GRID1: variants seen among roughly 807,000 people sequenced by gnomAD.
The protein encoded by GRID1 is glutamate ionotropic receptor delta type subunit 1, also known as glutamate receptor ionotropic, delta-1.
Under a neutral mutation model 98.0 loss-of-function variants are expected in GRID1, and 28 were observed. The observed-to-expected ratio is 0.29, with a 90% CI of 0.21 to 0.39. GRID1 has a LOEUF of 0.39. Ranked by LOEUF, GRID1 falls within the 10% of genes least tolerant of loss-of-function variation. The pLI, the probability that GRID1 is intolerant of heterozygous loss-of-function variation, is 1.00. For synonymous variants in GRID1, 553 were observed against 538.5 expected (o/e 1.03, Z -0.37); for missense variants, 1,111 against 1,340.5 (o/e 0.83, Z 2.67).
chr10:85,746,623 C>T (rs1007315377), intron 8 of GRID1, among the ~76,000 whole-genome samples: 9 of 152,104 alleles, frequency 5.9e-5, no homozygotes, highest in African/African-American at 2.2e-4. Flanking sequence ...GATCAGCATG[C>T]TGAAGAGGCT....
chr10:86,209,767 C>T (rs556016024), intron 2 of GRID1, among the ~76,000 whole-genome samples: 4 of 152,290 alleles, frequency 2.6e-5, no homozygotes, highest in Non-Finnish European at 4.4e-5. Context: ...AGGACTCCCA[C>T]GGAGAGTCCT....
chr10:85,942,313 A>G (rs1011058628), intron 4 of GRID1, among the ~76,000 whole-genome samples: 6 of 152,104 alleles, frequency 3.9e-5, no homozygotes, highest in African/African-American at 1.4e-4. Flanking sequence ...CCAATTTCTA[A>G]TCTTCTGATG....
intron 4 of GRID1, among the ~76,000 whole-genome samples, chr10:85,950,539 C>G (rs1466533851): frequency 6.6e-6 from 1 of 152,182 alleles, no homozygotes; most frequent in Non-Finnish European, 1.5e-5. Flanking sequence ...CCTGACCAGA[C>G]TGTGATCAAT....
At chr10:85,633,547 A>G (rs1842998255) in intron 13 of GRID1, among the ~76,000 whole-genome samples, 1 of 152,206 alleles carries the variant, frequency 6.6e-6, no homozygotes, top group African/African-American at 2.4e-5. Flanking sequence ...AACTGGCAAC[A>G]CGAACTGTGC....
chr10:85,673,665 T>C (rs1841112533), intron 12 of GRID1, among the ~76,000 whole-genome samples: 1 of 152,208 alleles, frequency 6.6e-6, no homozygotes, highest in African/African-American at 2.4e-5. Flanking sequence ...AGTATGTATA[T>C]TTTTTAGACA....
intron 4 of GRID1, among the ~76,000 whole-genome samples, chr10:86,031,538 C>T (rs899335503): frequency 9.9e-5 from 15 of 152,158 alleles, no homozygotes; most frequent in African/African-American, 3.1e-4. Flanking sequence ...CAAAGCTGCA[C>T]ATGTACCCTT....
chr10:85,635,637 C>T (rs1186265601), intron 13 of GRID1, among the ~76,000 whole-genome samples: 1 of 152,188 alleles, frequency 6.6e-6, no homozygotes, highest in African/African-American at 2.4e-5. Flanking sequence ...AAATAAAAGG[C>T]AGGCCTCACT....
chr10:86,301,743 G>A (rs1461813765), intron 2 of GRID1, among the ~76,000 whole-genome samples: 1 of 152,232 alleles, frequency 6.6e-6, no homozygotes, highest in Non-Finnish European at 1.5e-5. Flanking sequence ...GTCCCAGGAT[G>A]GACAATCATC....
intron 3 of GRID1, among the ~76,000 whole-genome samples, chr10:86,177,198 G>A (rs1218665443): frequency 6.6e-6 from 1 of 151,832 alleles, no homozygotes; most frequent in African/African-American, 2.4e-5. Flanking sequence ...GAAAAAGCCA[G>A]GTCTGCTCCT....
intron 8 of GRID1, among the ~76,000 whole-genome samples, chr10:85,743,113 C>T (rs111690670): frequency 3.7e-5 from 5 of 134,180 alleles, no homozygotes; most frequent in Admixed American, 1.5e-4. Flanking sequence ...CAGCCCCCCC[C>T]CCCACCACCC....
At chr10:85,858,219 AG>A (rs1843132023) in intron 6 of GRID1, among the ~76,000 whole-genome samples, 1 of 152,204 alleles carries the variant, frequency 6.6e-6, no homozygotes, top group Non-Finnish European at 1.5e-5. Context: ...TAGGTGTAAC[AG>A]GTAGGTGGAG....
intron 11 of GRID1, among the ~76,000 whole-genome samples, chr10:85,723,458 C>G (rs1214647713): frequency 2.0e-5 from 3 of 152,222 alleles, no homozygotes; most frequent in African/African-American, 7.2e-5. Context: ...TTCTACCTCA[C>G]AGTGGTAAGA....
chr10:86,227,846 C>T (rs751635155), intron 2 of GRID1, among the ~76,000 whole-genome samples: 6 of 152,206 alleles, frequency 3.9e-5, no homozygotes, highest in Non-Finnish European at 8.8e-5. Flanking sequence ...GGCCATGCCT[C>T]ATCTGTGCTT....
At chr10:86,120,434 T>A (rs1010169604) in intron 4 of GRID1, among the ~76,000 whole-genome samples, 2 of 152,228 alleles carry the variant, frequency 1.3e-5, no homozygotes, top group African/African-American at 2.4e-5. Flanking sequence ...TTCTGTATTA[T>A]CGTTGATTGC....
intron 4 of GRID1, among the ~76,000 whole-genome samples, chr10:86,123,122 C>A (rs1400518968): frequency 6.6e-6 from 1 of 152,212 alleles, no homozygotes; most frequent in Non-Finnish European, 1.5e-5. Flanking sequence ...ACTACTCCGC[C>A]CCAACACTGC....
At chr10:85,914,786 C>T (rs1841589024) in intron 5 of GRID1, among the ~76,000 whole-genome samples, 2 of 152,160 alleles carry the variant, frequency 1.3e-5, no homozygotes, top group African/African-American at 4.8e-5. Flanking sequence ...CCTGCATCTT[C>T]CAGAATGAAG....
At chr10:85,689,980 G>GT (rs1409180068) in intron 12 of GRID1, among the ~76,000 whole-genome samples, 2 of 152,104 alleles carry the variant, frequency 1.3e-5, no homozygotes, top group African/African-American at 4.8e-5. Context: ...TAAACTGACA[G>GT]TAAGAACCTA....
intron 2 of GRID1, among the ~76,000 whole-genome samples, chr10:86,361,057 T>C (rs1052474206): frequency 6.6e-6 from 1 of 152,204 alleles, no homozygotes; most frequent in Non-Finnish European, 1.5e-5. Context: ...CGACAACCCA[T>C]GTCCTGCTGC....
At chr10:86,130,458 C>G (rs1844818468) in intron 4 of GRID1, among the ~76,000 whole-genome samples, 1 of 152,182 alleles carries the variant, frequency 6.6e-6, no homozygotes, top group South Asian at 2.1e-4. Context: ...CCATATAAAC[C>G]CCAAATCCCA....
Sources: allele counts gnomAD v4.1 joint callset (sites outside exome capture counted in the v4.1 genomes callset), GRCh38; gene constraint gnomAD v4.1.1; transcripts MANE v1.5; gene names NCBI Gene and HGNC (gene_info 2026-07-23, HGNC 2026-07-21).